ZBTB7C: variants seen among roughly 807,000 people sequenced by gnomAD.
ZBTB7C encodes the protein zinc finger and BTB domain containing 7C.
In ZBTB7C, 8 loss-of-function variants were observed where a neutral mutation model predicts 25.7. That is an observed-to-expected ratio of 0.31 (90% CI 0.18 to 0.56). ZBTB7C has a LOEUF of 0.56. ZBTB7C is among the 20% of genes least tolerant of loss of function. The probability of loss-of-function intolerance (pLI) is 0.91; values close to 1 mark genes in which losing one functional copy is unlikely to be tolerated. For missense variants in ZBTB7C, 824 were observed against 855.2 expected, an observed-to-expected ratio of 0.96 and a Z score of 0.46; for synonymous variants, 394 against 369.0, an observed-to-expected ratio of 1.07 and a Z score of -0.78.
At chr18:48,221,720 T>C (rs1030544567) in intron 2 of ZBTB7C, among the ~76,000 whole-genome samples, 1 of 148,192 alleles carries the variant, frequency 6.7e-6, no homozygotes, top group Non-Finnish European at 1.5e-5. Context: ...CAAGTCTCCA[T>C]CTATACTGTC....
rs115904686 is a variant in ZBTB7C, at chr18:48,041,026, G to A, written c.82C>T (p.Arg28Trp). The A allele has an allele frequency of 5.6e-6, 9 of 1,613,990 alleles. No individual in the cohort carries two copies. The highest frequency in any genetic ancestry group is 1.3e-5 in the African/African-American group (1 of 75,056). ...ACGTCACACAGCAGGCCATCGTGCC[G>A]TTGCTCATTGAGGCTGCACAGGACC... Reference protein sequence around the residue: ...SEVLCSLNEQRHDGLLCDVLL... With the variant: ...SEVLCSLNEQWHDGLLCDVLL... The change falls in exon 4 of 5, where the codon CGG becomes TGG. Residue 28 changes from arginine (R) to tryptophan (W), a missense_variant. Physicochemically the swap from Arg to Trp is moderately radical, Grantham distance 101 (BLOSUM62 -3). Around this residue, in one of 4 missense-constraint regions of ZBTB7C, gnomAD observed 117 missense variants for 167.7 expected, o/e 0.70. Transcript: ENST00000590800.
chr18:48,053,866 G>A (rs2036799690), intron 3 of ZBTB7C, among the ~76,000 whole-genome samples: 1 of 152,222 alleles, frequency 6.6e-6, no homozygotes, highest in Non-Finnish European at 1.5e-5. Flanking sequence ...CGGGGACTCT[G>A]CTGGGCCCAG....
intron 1 of ZBTB7C, among the ~76,000 whole-genome samples, chr18:48,398,298 A>T (rs1425978409): frequency 6.6e-6 from 1 of 152,218 alleles, no homozygotes; most frequent in Non-Finnish European, 1.5e-5. Flanking sequence ...TTTGCTGCGA[A>T]GGGATTGGCC....
At chr18:48,307,056 C>T (rs769634079) in intron 2 of ZBTB7C, among the ~76,000 whole-genome samples, 2 of 152,110 alleles carry the variant, frequency 1.3e-5, no homozygotes, top group African/African-American at 2.4e-5. Flanking sequence ...GCATGAGAAA[C>T]AAATGAGGGG....
Position 48,369,977 on chromosome 18 carries a change from A to G in ZBTB7C, c.-303-31579T>C, listed in dbSNP as rs565498673. 5.3e-5 allele frequency among the ~76,000 whole-genome samples: 8 copies of G among 152,308 alleles called. No homozygotes were observed. In the South Asian group the frequency reaches 8.3e-4, roughly 16 times the overall value. Reference sequence around the variant, plus strand: ...AGGTGGCCCCAGGATGTATACCAAGACAGATCATATCCTGGGCCATAAAAC... The same window carrying G: ...AGGTGGCCCCAGGATGTATACCAAGGCAGATCATATCCTGGGCCATAAAAC... On this transcript the variant is annotated intron_variant, in intron 1 of 4. Transcript: ENST00000590800.
intron 1 of ZBTB7C, among the ~76,000 whole-genome samples, chr18:48,341,435 G>A (rs926452323): frequency 1.3e-5 from 2 of 152,238 alleles, no homozygotes; most frequent in African/African-American, 4.8e-5. Context: ...AATTTAGTGA[G>A]GAAGCCACTT....
At chr18:48,199,648 C>G (rs1599087104) in intron 2 of ZBTB7C, among the ~76,000 whole-genome samples, 1 of 151,776 alleles carries the variant, frequency 6.6e-6, no homozygotes, top group East Asian at 1.9e-4. Flanking sequence ...TCCTTCTCCC[C>G]CTCCCGCTCC....
chr18:48,226,604 C>G lies in ZBTB7C; in HGVS notation c.-78-40609G>C, dbSNP rs115862153. Among the ~76,000 whole-genome samples the G allele has an allele frequency of 2.0e-5, 3 of 152,338 alleles. No homozygotes were observed. The South Asian group carries it at 6.2e-4, about 32-fold the overall frequency. On this transcript the variant is annotated intron_variant, in intron 2 of 4. Coordinates refer to ENST00000590800, the MANE Select transcript of ZBTB7C (RefSeq NM_001318841.2). Reference sequence around the variant, plus strand: ...GGGGGTAAAATATGCATGACACACACCTTTGCAACCTCCAGGTGTCACATG... The same window carrying G: ...GGGGGTAAAATATGCATGACACACAGCTTTGCAACCTCCAGGTGTCACATG...
At chr18:48,194,919 T>G (rs1041767313) in intron 2 of ZBTB7C, among the ~76,000 whole-genome samples, 6 of 152,018 alleles carry the variant, frequency 3.9e-5, no homozygotes, top group Non-Finnish European at 5.9e-5. Context: ...CAGGCTGAAG[T>G]CATCCCCATC....
intron 2 of ZBTB7C, among the ~76,000 whole-genome samples, chr18:48,319,042 T>C (rs2046023808): frequency 6.6e-6 from 1 of 151,754 alleles, no homozygotes; most frequent in Admixed American, 6.6e-5. Flanking sequence ...CATCAGAGAG[T>C]AAGGTCGCTT....
chr18:48,095,210 A>G (rs1015682521), intron 3 of ZBTB7C, among the ~76,000 whole-genome samples: 1 of 152,222 alleles, frequency 6.6e-6, no homozygotes, highest in Non-Finnish European at 1.5e-5. Context: ...TTGGATTCTC[A>G]TGGCCACTTT....
rs183995902 is a variant in ZBTB7C, at chr18:48,112,008, C to T, written c.-16-70885G>A. Among the ~76,000 whole-genome samples, 227 of 151,812 alleles carry T rather than the reference C, an allele frequency of 1.5e-3. 1 individual carries two copies. Among genetic ancestry groups the T allele is most frequent in the African/African-American group, 5.1e-3 (211 of 41,402 alleles). The stretch of plus-strand genomic sequence containing the variant: ...ATATTGTGGAAATGACTTTAAATGT[C>T]CAACAAAAAAGGATACTAGTTAAAT... On this transcript the variant is annotated intron_variant, in intron 3 of 4. Transcript: ENST00000590800.
intron 3 of ZBTB7C, among the ~76,000 whole-genome samples, chr18:48,095,431 G>A (rs532796284): frequency 5.1e-4 from 77 of 152,320 alleles, no homozygotes; most frequent in Middle Eastern, 3.4e-3. Context: ...GGCCGAGCAC[G>A]GTGGCTCATG....
At position 48,040,513 on chromosome 18, in the gene ZBTB7C, C is replaced by T; in HGVS notation, c.595G>A (p.Ala199Thr). Residue 199 changes from alanine (A) to threonine (T), a missense_variant, in exon 4 of 5, where the codon GCC becomes ACC. Around this residue, in one of 4 missense-constraint regions of ZBTB7C, gnomAD observed 316 missense variants for 299.2 expected, o/e 1.06. Coordinates refer to ENST00000590800, the MANE Select transcript of ZBTB7C (RefSeq NM_001318841.2). ...AAGTCCCTGGGGGTGTCTGAATAGG[C>T]CTTCTCTGTGAGATGGTCTGTCTTG... ...PSKTDHLTEKAYSDTPRDFPD... is the reference protein window; with the variant it reads ...PSKTDHLTEKTYSDTPRDFPD... 1.2e-6 allele frequency: 2 copies of T among 1,613,750 alleles called. No individual in the cohort carries two copies. The highest frequency in any genetic ancestry group is 1.7e-5 in the Admixed American group (1 of 59,988).
intron 2 of ZBTB7C, among the ~76,000 whole-genome samples, chr18:48,240,318 T>C (rs1019915387): frequency 1.1e-4 from 17 of 152,108 alleles, no homozygotes; most frequent in African/African-American, 3.9e-4. Flanking sequence ...TTCCTGGCCT[T>C]GCAGACAAAT....
At chr18:48,320,792 G>C (rs1393757349) in intron 2 of ZBTB7C, among the ~76,000 whole-genome samples, 2 of 152,198 alleles carry the variant, frequency 1.3e-5, no homozygotes, top group African/African-American at 4.8e-5. Flanking sequence ...GGCTCAGGCG[G>C]CCACCACCTC....
chr18:48,174,658 A>G (rs2041609574), intron 3 of ZBTB7C, among the ~76,000 whole-genome samples: 1 of 152,252 alleles, frequency 6.6e-6, no homozygotes. Context: ...GAGCAAGTGA[A>G]TAAACCATGA....
intron 3 of ZBTB7C, among the ~76,000 whole-genome samples, chr18:48,182,845 G>A (rs2041962234): frequency 6.6e-6 from 1 of 152,162 alleles, no homozygotes; most frequent in Admixed American, 6.5e-5. Flanking sequence ...TCAATGATTT[G>A]CACTAAATAG....
intron 3 of ZBTB7C, among the ~76,000 whole-genome samples, chr18:48,115,423 T>G (rs948174530): frequency 9.2e-4 from 137 of 148,566 alleles, no homozygotes; most frequent in Non-Finnish European, 1.5e-3. Flanking sequence ...TAATTTTTTT[T>G]GTATTTTTAG....
Sources: gnomAD v4.1 joint callset for allele counts (sites outside exome capture counted in the v4.1 genomes callset) on GRCh38, gnomAD v4.1.1 for gene constraint, gnomAD v4.1.1 regional missense constraint, MANE v1.5 for transcripts, NCBI Gene and HGNC (gene_info 2026-07-23, HGNC 2026-07-21) for gene names.